The following SDK1 variants were observed in gnomAD, a reference collection of about 807,000 sequenced individuals.
SDK1 encodes sidekick cell adhesion molecule 1.
Under a neutral mutation model 245.5 loss-of-function variants are expected in SDK1, and 157 were observed. That is an observed-to-expected ratio of 0.64 (90% CI 0.56 to 0.73). SDK1 has a LOEUF of 0.73. SDK1 is among the 30% of genes least tolerant of loss of function. The pLI is 0.00. For synonymous variants in SDK1, 1,647 were observed against 1,278.5 expected (o/e 1.29, Z -6.15); for missense variants, 3,583 against 3,002.3 (o/e 1.19, Z -4.52).
intron 21 of SDK1, among the ~76,000 whole-genome samples, chr7:4,077,653 A>C (rs1291321751): frequency 6.6e-6 from 1 of 152,182 alleles, no homozygotes; most frequent in Non-Finnish European, 1.5e-5. Context: ...AAGGAGGAGC[A>C]AGTCATGTAT....
chr7:3,425,171 T>G (rs1779641874), intron 1 of SDK1, among the ~76,000 whole-genome samples: 1 of 151,628 alleles, frequency 6.6e-6, no homozygotes, highest in Non-Finnish European at 1.5e-5. Context: ...AACTGAAAAT[T>G]ACCTTCTGTT....
intron 5 of SDK1, among the ~76,000 whole-genome samples, chr7:3,833,729 T>C (rs1779966886): frequency 1.3e-5 from 2 of 152,234 alleles, no homozygotes; most frequent in Non-Finnish European, 2.9e-5. Context: ...ACCATCATAT[T>C]TGAAAATGTA....
In SDK1 at chr7:3,951,076, A is replaced by G. The variant is rs780767364; in HGVS notation, c.959+42A>G. 8 of 1,404,550 alleles carry G rather than the reference A, an allele frequency of 5.7e-6. No homozygotes were observed. In the African/African-American group the frequency reaches 9.9e-5, roughly 17 times the overall value. 87.0% of individuals were successfully genotyped at this position (1,404,550 alleles called of 1,614,324 possible). ...CTGTGAGACTCCTAGTAAATATTCC[A>G]TGACCTGTGACGAGCCGACGATAGA... On this transcript the variant is annotated intron_variant, in intron 6 of 44. Transcript: ENST00000404826.
chr7:3,633,429 A>G lies in SDK1; in HGVS notation c.459-5575A>G, dbSNP rs1443998154. Among the ~76,000 whole-genome samples the G allele has an allele frequency of 3.3e-5, 5 of 152,144 alleles. No individual in the cohort carries two copies. The South Asian group carries it at 1.0e-3, about 32-fold the overall frequency. ...TCATATCATCTGGCAGTGCTTGGAA[A>G]GGACTGCTGAACAGTATTCTAAAAT... On this transcript the variant is annotated intron_variant, in intron 2 of 44. Transcript: ENST00000404826.
At chr7:3,727,351 C>T (rs980446444) in intron 4 of SDK1, among the ~76,000 whole-genome samples, 2 of 152,174 alleles carry the variant, frequency 1.3e-5, no homozygotes, top group Admixed American at 1.3e-4. Context: ...TTCCATTGCT[C>T]TGTATTCTGG....
At chr7:4,236,753 G>A (rs1015106616) in intron 41 of SDK1, among the ~76,000 whole-genome samples, 4 of 152,112 alleles carry the variant, frequency 2.6e-5, no homozygotes, top group Admixed American at 6.5e-5. Context: ...GGCGTAACAG[G>A]TGGAATGTGA....
intron 7 of SDK1, among the ~76,000 whole-genome samples, chr7:3,956,541 T>G (rs1332637895): frequency 6.6e-6 from 1 of 152,094 alleles, no homozygotes; most frequent in African/African-American, 2.4e-5. Context: ...CTGGAAGGCT[T>G]TCCAGAACAA....
chr7:4,132,371 C>G lies in SDK1; in HGVS notation c.4176C>G (p.Thr1392=). Residue 1392 remains threonine (T), a synonymous_variant, in exon 28 of 45, where the codon ACC becomes ACG. Coordinates refer to ENST00000404826, the MANE Select transcript of SDK1 (RefSeq NM_152744.4). ...TCGTGTTCCCCGAAGTGAGACTCACCTCCGTGCGGATAGTGTGGCAACCTC... is the reference window on the plus strand; with the variant it reads ...TCGTGTTCCCCGAAGTGAGACTCACGTCCGTGCGGATAGTGTGGCAACCTC... ...VRLVFPEVRL[T]SVRIVWQPPE... 6.2e-7 allele frequency: 1 copy of G among 1,613,228 alleles called. No individual in the cohort carries two copies. The highest frequency in any genetic ancestry group is 8.5e-7 in the Non-Finnish European group (1 of 1,179,524).
chr7:3,475,064 A>G (rs1262178358), intron 1 of SDK1, among the ~76,000 whole-genome samples: 1 of 152,228 alleles, frequency 6.6e-6, no homozygotes, highest in African/African-American at 2.4e-5. Context: ...CCACATGGCA[A>G]CCAGGATGAT....
chr7:3,385,618 T>C lies in SDK1; in HGVS notation c.298+83734T>C, dbSNP rs116613126. ...TGACTTGCCATTTCTTTCCATCTTATTTCAGCTCTCAGTCAACCTCTCACT... is the reference window on the plus strand; with the variant it reads ...TGACTTGCCATTTCTTTCCATCTTACTTCAGCTCTCAGTCAACCTCTCACT... On this transcript the variant is annotated intron_variant, in intron 1 of 44. Transcript: ENST00000404826. 8.9e-3 allele frequency among the ~76,000 whole-genome samples: 1,353 copies of C among 152,276 alleles called. 24 individuals carry two copies. The highest frequency in any genetic ancestry group is 0.03 in the African/African-American group (1,254 of 41,564).
At chr7:3,776,953 C>A (rs1358504927) in intron 4 of SDK1, among the ~76,000 whole-genome samples, 1 of 152,110 alleles carries the variant, frequency 6.6e-6, no homozygotes, top group South Asian at 2.1e-4. Flanking sequence ...GGACTGTGAT[C>A]CAGGAAGAAA....
At chr7:3,752,393 T>C (rs1317014365) in intron 4 of SDK1, among the ~76,000 whole-genome samples, 3 of 152,226 alleles carry the variant, frequency 2.0e-5, no homozygotes, top group African/African-American at 4.8e-5. Flanking sequence ...GTGAGCTTAA[T>C]ACTTTTAATG....
intron 1 of SDK1, among the ~76,000 whole-genome samples, chr7:3,383,348 T>C (rs1352095221): frequency 6.6e-6 from 1 of 152,086 alleles, no homozygotes; most frequent in Non-Finnish European, 1.5e-5. Flanking sequence ...GAGGTTAAGA[T>C]TGCAGTGAAT....
At position 4,220,218 on chromosome 7, in the gene SDK1, C is replaced by T. The variant is rs1785063755; in HGVS notation, c.5649C>T (p.Thr1883=). Residue 1883 remains threonine (T), a synonymous_variant, in exon 39 of 45, where the codon ACC becomes ACT. Coordinates refer to ENST00000404826, the MANE Select transcript of SDK1 (RefSeq NM_152744.4). ...ATTTCTTCCGTGTCCAAGCGCGGACCATCACCTACGGGCCCGAGCTCCAAG... is the reference window on the plus strand; with the variant it reads ...ATTTCTTCCGTGTCCAAGCGCGGACTATCACCTACGGGCCCGAGCTCCAAG... ...VTYFFRVQAR[T]ITYGPELQAN... The T allele has an allele frequency of 2.5e-6, 4 of 1,613,880 alleles. No homozygotes were observed. Among genetic ancestry groups the T allele is most frequent in the African/African-American group, 2.7e-5 (2 of 74,912 alleles).
intron 5 of SDK1, among the ~76,000 whole-genome samples, chr7:3,841,138 G>A (rs530796723): frequency 1.3e-5 from 2 of 152,198 alleles, no homozygotes; most frequent in Non-Finnish European, 2.9e-5. Flanking sequence ...TGAGCTGACG[G>A]TGCCTTGCCT....
Position 3,717,380 on chromosome 7 carries a change from C to G in SDK1, c.713+75275C>G, listed in dbSNP as rs189619114. Among the ~76,000 whole-genome samples the G allele has an allele frequency of 3.1e-3, 474 of 152,254 alleles. 1 individual carries two copies. The highest frequency in any genetic ancestry group is 4.9e-3 in the Admixed American group (75 of 15,284). The stretch of plus-strand genomic sequence containing the variant: ...TATCTTAAAGGGAATAAAGGAAACA[C>G]TGAACTGAATGAAAAATCAAAATGC... On this transcript the variant is annotated intron_variant, in intron 4 of 44. Transcript: ENST00000404826.
intron 1 of SDK1, among the ~76,000 whole-genome samples, chr7:3,513,122 A>C (rs920735838): frequency 1.3e-5 from 2 of 152,204 alleles, no homozygotes; most frequent in African/African-American, 4.8e-5. Context: ...TATTAATAAA[A>C]ATACTAGCAG....
chr7:4,200,470 C>G (rs1443665602), intron 35 of SDK1, among the ~76,000 whole-genome samples: 1 of 152,264 alleles, frequency 6.6e-6, no homozygotes, highest in Non-Finnish European at 1.5e-5. Flanking sequence ...TAGGTAGGTC[C>G]TCTGCCTCAG....
At chr7:3,453,773 G>T (rs1780592168) in intron 1 of SDK1, among the ~76,000 whole-genome samples, 2 of 152,050 alleles carry the variant, frequency 1.3e-5, no homozygotes, top group Admixed American at 1.3e-4. Context: ...TAGAAACAGG[G>T]TCTTGCTATA....
Sources: gnomAD v4.1 joint callset for allele counts (sites outside exome capture counted in the v4.1 genomes callset) on GRCh38, gnomAD v4.1.1 for gene constraint, MANE v1.5 for transcripts, NCBI Gene and HGNC (gene_info 2026-07-23, HGNC 2026-07-21) for gene names.